The following MS4A1 variants were observed in gnomAD, a reference collection of about 807,000 sequenced individuals.
MS4A1 encodes the protein membrane spanning 4-domains A1.
Under a neutral mutation model 26.5 loss-of-function variants are expected in MS4A1, and 16 were observed. That is an observed-to-expected ratio of 0.60 (90% CI 0.41 to 0.92). The LOEUF is 0.92. MS4A1 is among the 40% of genes least tolerant of loss of function. The pLI, the probability that MS4A1 is intolerant of heterozygous loss-of-function variation, is 0.00. For missense variants in MS4A1, 350 were observed against 353.0 expected (o/e 0.99, Z 0.07); for synonymous variants, 128 against 117.6 (o/e 1.09, Z -0.57).
chr11:60,468,769 T>C lies in MS4A1; in HGVS notation c.*301T>C, dbSNP rs372583249. On this transcript the variant is annotated 3_prime_UTR_variant, in exon 8 of 8. Transcript: ENST00000345732. ...TGTTCCTTGGATAGGCTTTTTAGTA[T>C]AGTATTTTTTTTTGTCATTTTCTCC... The C allele has an allele frequency of 2.9e-6, 1 of 344,510 alleles. No individual in the cohort carries two copies. The highest frequency in any genetic ancestry group is 2.1e-5 in the African/African-American group (1 of 47,844). The allele number at this position is 344,510 out of a possible 1,614,324, so 21.3% of individuals were successfully genotyped here.
intron 1 of MS4A1, among the ~76,000 whole-genome samples, chr11:60,456,692 T>A (rs1316937954): frequency 1.3e-5 from 2 of 152,180 alleles, no homozygotes; most frequent in East Asian, 3.8e-4. Flanking sequence ...TATAAGTGAT[T>A]CCCTTTCCCT....
In MS4A1 at chr11:60,463,062, G is replaced by C. The variant is rs756355810; in HGVS notation, c.220G>C (p.Ala74Pro). The change falls in exon 4 of 8, where the codon GCA (alanine) becomes CCA (proline). Residue 74 changes from alanine (A) to proline (P), a missense_variant. By Grantham distance (27) the Ala-to-Pro change is conservative. Transcript: ENST00000345732. ...IALGGLLMIP[A>P]GIYAPICVTV... ...CCTGGGGGGTCTTCTGATGATCCCA[G>C]CAGGGATCTATGCACCCATCTGTGT... The C allele has an allele frequency of 1.2e-6, 2 of 1,614,166 alleles. No individual in the cohort carries two copies. Among genetic ancestry groups the C allele is most frequent in the South Asian group, 2.2e-5 (2 of 91,086 alleles).
chr11:60,461,885 C>T (rs746619476), intron 2 of MS4A1, among the ~76,000 whole-genome samples: 3 of 148,936 alleles, frequency 2.0e-5, no homozygotes, highest in African/African-American at 2.4e-5. Context: ...GGCCTGGAAT[C>T]GACCCCTCCT....
intron 2 of MS4A1, 85 bp from the exon 3 acceptor site, chr11:60,462,100 C>A: frequency 3.7e-6 from 2 of 538,044 alleles, no homozygotes; most frequent in Admixed American, 2.6e-5. Flanking sequence ...ATAAAGAATG[C>A]CCCAAACCCA....
At chr11:60,463,145 T>C (rs998074708) in intron 4 of MS4A1, 24 bp downstream of exon 4, 3 of 1,614,052 alleles carry the variant, frequency 1.9e-6, no homozygotes, top group Non-Finnish European at 2.5e-6. Context: ...TAGCAGCCAT[T>C]TGGGAAATGG....
At chr11:60,460,734 T>C (rs895908409) in intron 1 of MS4A1, among the ~76,000 whole-genome samples, 2 of 149,044 alleles carry the variant, frequency 1.3e-5, no homozygotes, top group African/African-American at 2.4e-5. Context: ...AAGATGAAGA[T>C]TGAACAGAAT....
intron 7 of MS4A1, 83 bp downstream of exon 7, chr11:60,467,143 T>A (rs2086298957): frequency 8.4e-7 from 1 of 1,196,630 alleles, no homozygotes; most frequent in Admixed American, 1.7e-5. Context: ...TGTAATCTGA[T>A]GAGTTGTTGA....
At chr11:60,464,002 GA>G (rs2086270079) in intron 4 of MS4A1, 1 of 502,608 alleles carries the variant, frequency 2.0e-6, no homozygotes, top group African/African-American at 1.9e-5. Flanking sequence ...AATTGATGAG[GA>G]AATTTGAGTT....
intron 7 of MS4A1, 36 bp from the exon 8 acceptor site, chr11:60,468,214 A>C: frequency 1.3e-6 from 2 of 1,505,378 alleles, no homozygotes; most frequent in Non-Finnish European, 1.8e-6. Flanking sequence ...GTCAGTGGTA[A>C]AAGTAAAGAA....
rs201192611 is a variant in MS4A1, at chr11:60,468,515, T to A, written c.*47T>A. On this transcript the variant is annotated 3_prime_UTR_variant, in exon 8 of 8. Transcript: ENST00000345732. ...TTCCTTTTTTAAACATTAGTGTTCA[T>A]AGCTTCCAAGAGACATGCTGACTTT... 1.0e-4 allele frequency: 157 copies of A among 1,560,628 alleles called. No individual in the cohort carries two copies. The highest frequency in any genetic ancestry group is 1.3e-4 in the Non-Finnish European group (147 of 1,134,908).
rs1437201163 is a variant in MS4A1 at position 60,458,825 on chromosome 11, A to T, written c.-279-2247A>T. 4.7e-5 allele frequency among the ~76,000 whole-genome samples: 7 copies of T among 149,948 alleles called. No individual in the cohort carries two copies. The East Asian group carries it at 1.4e-3, about 30-fold the overall frequency. On this transcript the variant is annotated intron_variant, in intron 1 of 7. Coordinates refer to ENST00000345732, the MANE Select transcript of MS4A1 (RefSeq NM_152866.3). The stretch of plus-strand genomic sequence containing the variant: ...ATGAGACAGATATATATATAATCAG[A>T]TATATATATGAAAGATAGTTTCCAT...
chr11:60,461,393 C>A (rs1377544353), intron 2 of MS4A1, among the ~76,000 whole-genome samples: 1 of 151,350 alleles, frequency 6.6e-6, no homozygotes, highest in Non-Finnish European at 1.5e-5. Flanking sequence ...TACAGTTGAA[C>A]CTGAGGCCCA....
intron 5 of MS4A1, chr11:60,465,676 CTT>C (rs1565195054): frequency 2.0e-6 from 1 of 502,996 alleles, no homozygotes. Context: ...AAGGGTTACT[CTT>C]AGAATTTTTG....
At chr11:60,456,602 G>A (rs949643412) in intron 1 of MS4A1, among the ~76,000 whole-genome samples, 17 of 152,138 alleles carry the variant, frequency 1.1e-4, no homozygotes, top group Admixed American at 3.3e-4. Flanking sequence ...AAGAGGGGGC[G>A]CTGCAGATGT....
rs2086313543 is a variant in MS4A1, at chr11:60,468,408, C to A, written c.834C>A (p.Asn278Lys). 2 of 1,614,150 alleles carry A rather than the reference C, an allele frequency of 1.2e-6. No homozygotes were observed. Among genetic ancestry groups the A allele is most frequent in the Non-Finnish European group, 1.7e-6 (2 of 1,179,994 alleles). ...AGGAAGAAGAAGAAACAGAGACGAA[C>A]TTTCCAGAACCTCCCCAAGATCAGG... ...QEEEEEETETNFPEPPQDQES... is the reference protein window; with the variant it reads ...QEEEEEETETKFPEPPQDQES... Residue 278 changes from asparagine (N) to lysine (K), a missense_variant, in exon 8 of 8, where the codon AAC (asparagine) becomes AAA (lysine). By Grantham distance (94) the Asn-to-Lys change is moderately conservative. Transcript: ENST00000345732.
chr11:60,468,103 G>T, intron 7 of MS4A1, 147 bp from the exon 8 acceptor site: 1 of 678,706 alleles, frequency 1.5e-6, no homozygotes, highest in Non-Finnish European at 2.5e-6. Flanking sequence ...ATAAGCACCT[G>T]CAAAAAAATT....
chr11:60,464,488 T>C (rs948087294), intron 5 of MS4A1, 144 bp downstream of exon 5: 6 of 728,316 alleles, frequency 8.2e-6, no homozygotes, highest in South Asian at 6.2e-5. Flanking sequence ...ATTGTGATTT[T>C]ATTTATGAAA....
chr11:60,470,246 G>A lies in MS4A1; in HGVS notation c.*1778G>A, dbSNP rs376433712. 2 of 152,034 alleles carry A rather than the reference G, an allele frequency of 1.3e-5. No homozygotes were observed. The highest frequency in any genetic ancestry group is 2.1e-4 in the South Asian group (1 of 4,824). The allele number at this position is 152,034 out of a possible 1,614,324, so 9.4% of individuals were successfully genotyped here. On this transcript the variant is annotated 3_prime_UTR_variant, in exon 8 of 8. Coordinates refer to ENST00000345732, the MANE Select transcript of MS4A1 (RefSeq NM_152866.3). ...AGGTTCTCAAAAAAAATGTTCATGG[G>A]ATAGGTCATTGATAATGGATTCCTT...
In MS4A1 at chr11:60,470,494, T is replaced by C. The variant is rs2086335097; in HGVS notation, c.*2026T>C. On this transcript the variant is annotated 3_prime_UTR_variant, in exon 8 of 8. Coordinates refer to ENST00000345732, the MANE Select transcript of MS4A1 (RefSeq NM_152866.3). Reference sequence around the variant, plus strand: ...TTGTATGACCTCAAATAATTAGTTTTAGCTGACCTCACATAACTCCTTATA... The same window carrying C: ...TTGTATGACCTCAAATAATTAGTTTCAGCTGACCTCACATAACTCCTTATA... The C allele has an allele frequency of 6.6e-6, 1 of 152,026 alleles. No homozygotes were observed. The highest frequency in any genetic ancestry group is 1.5e-5 in the Non-Finnish European group (1 of 67,898). 9.4% of individuals were successfully genotyped at this position (152,026 alleles called of 1,614,324 possible). A position where few individuals can be genotyped will look rare whatever the true frequency, so the allele number is the denominator to read the frequency against.
Sources: gnomAD v4.1 joint callset for allele counts (sites outside exome capture counted in the v4.1 genomes callset) on GRCh38, gnomAD v4.1.1 for gene constraint, MANE v1.5 for transcripts, NCBI Gene and HGNC (gene_info 2026-07-23, HGNC 2026-07-21) for gene names.